The following CEP89 variants were observed in gnomAD, a reference collection of about 807,000 sequenced individuals.
The protein encoded by CEP89 is centrosomal protein of 89 kDa.
CEP89 carries 95 observed loss-of-function variants against 97.6 expected under a neutral mutation model. The observed-to-expected ratio is 0.97, with a 90% CI of 0.82 to 1.15. The LOEUF is 1.15. Ranked by LOEUF, CEP89 falls within the 50% of genes most tolerant of loss-of-function variation. CEP89 has a pLI of 0.00. For missense variants in CEP89, 869 were observed against 947.7 expected (o/e 0.92, Z 1.09); for synonymous variants, 354 against 349.1 (o/e 1.01, Z -0.16).
chr19:32,952,319 G>GAAA (rs11428227), intron 4 of CEP89, among the ~76,000 whole-genome samples: 5 of 131,458 alleles, frequency 3.8e-5, no homozygotes, highest in Non-Finnish European at 4.8e-5. Context: ...TGGCCCTATA[G>GAAA]AAAAAAAAAA....
intron 16 of CEP89, among the ~76,000 whole-genome samples, chr19:32,889,875 G>A (rs907688257): frequency 3.3e-5 from 5 of 152,138 alleles, no homozygotes; most frequent in Non-Finnish European, 7.3e-5. Context: ...GGTGAGGAAG[G>A]CCAGCACACA....
intron 9 of CEP89, 129 bp from the exon 10 acceptor site, chr19:32,927,113 C>CCCCCCCCT (rs1970374076): frequency 1.4e-6 from 1 of 733,808 alleles, no homozygotes; most frequent in African/African-American, 1.8e-5. Flanking sequence ...TCTGCCTACC[C>CCCCCCCCT]ACCCACCTAC....
At chr19:32,897,537 C>A (rs1009001704) in intron 16 of CEP89, among the ~76,000 whole-genome samples, 2 of 152,154 alleles carry the variant, frequency 1.3e-5, no homozygotes, top group African/African-American at 4.8e-5. Flanking sequence ...GGCTTAACTT[C>A]CCCCTTTGCA....
At position 32,931,565 on chromosome 19, in the gene CEP89, G is replaced by C; in HGVS notation, c.893C>G (p.Ala298Gly). The stretch of plus-strand genomic sequence containing the variant: ...TTTTCGCAGATAAAGTAATTCAGGT[G>C]CAGCAACTAGGGAAAAAAATTTAAT... The part of the protein sequence containing the change: ...AEKASSQEVA[A>G]PELLYLRKQA... Residue 298 changes from alanine to glycine, a missense_variant, in exon 9 of 19, where the codon GCA becomes GGA. Physicochemically the swap from Ala to Gly is moderately conservative, Grantham distance 60. Coordinates refer to ENST00000305768, the MANE Select transcript of CEP89 (RefSeq NM_032816.5). 6.3e-7 allele frequency: 1 copy of C among 1,577,556 alleles called. No homozygotes were observed. The highest frequency in any genetic ancestry group is 8.5e-7 in the Non-Finnish European group (1 of 1,171,000).
At chr19:32,952,413 G>C (rs150995561) in intron 4 of CEP89, among the ~76,000 whole-genome samples, 3,676 of 150,478 alleles carry the variant, frequency 0.024, 89 homozygotes, top group Non-Finnish European at 0.036. Context: ...CCCAGGAGGA[G>C]GTGGCTATAA....
intron 16 of CEP89, among the ~76,000 whole-genome samples, chr19:32,893,298 T>G (rs1969573320): frequency 6.6e-6 from 1 of 152,078 alleles, no homozygotes; most frequent in African/African-American, 2.4e-5. Flanking sequence ...GAAGGTAATA[T>G]TATAATAATA....
chr19:32,915,633 C>G, intron 13 of CEP89, 116 bp from the exon 14 acceptor site: 5 of 986,764 alleles, frequency 5.1e-6, no homozygotes, highest in Non-Finnish European at 6.0e-6. Context: ...TTTTAAAGAT[C>G]TTTTGAGCCA....
chr19:32,918,342 G>A lies in CEP89; in HGVS notation c.1269-3C>T. The A allele has an allele frequency of 6.2e-7, 1 of 1,602,272 alleles. No homozygotes were observed. The highest frequency in any genetic ancestry group is 1.1e-5 in the South Asian group (1 of 90,846). The stretch of plus-strand genomic sequence containing the variant: ...TTGCTTGAGTCTGAAGCTGACGCCT[G>A]CAATTGATTTACAAGATGAAATACT... On this transcript the variant is annotated splice_region_variant and splice_polypyrimidine_tract_variant and intron_variant, in intron 12 of 18. Coordinates refer to ENST00000305768, the MANE Select transcript of CEP89 (RefSeq NM_032816.5).
At chr19:32,926,891 T>C in intron 10 of CEP89, 43 bp downstream of exon 10, 1 of 1,574,612 alleles carries the variant, frequency 6.4e-7, no homozygotes, top group Non-Finnish European at 8.7e-7. Flanking sequence ...TATGCAAATA[T>C]ACCCTGAAAA....
rs80115726 is a variant in CEP89 at position 32,902,801 on chromosome 19, C to T, written c.1566-1389G>A. The stretch of plus-strand genomic sequence containing the variant: ...GGTCTTTGGCTGGGTACTGATCTGT[C>T]CGTGTGTGAGAGGAAACTGCGTAAA... On this transcript the variant is annotated intron_variant, in intron 14 of 18. Transcript: ENST00000305768. Among the ~76,000 whole-genome samples the T allele has an allele frequency of 1.2e-3, 185 of 152,232 alleles. 2 individuals carry two copies. The highest frequency in any genetic ancestry group is 7.5e-3 in the East Asian group (39 of 5,180).
intron 16 of CEP89, among the ~76,000 whole-genome samples, chr19:32,894,074 T>C (rs1283932550): frequency 6.6e-6 from 1 of 152,152 alleles, no homozygotes; most frequent in Non-Finnish European, 1.5e-5. Flanking sequence ...GAAACGTTCT[T>C]ATAGTCCCAG....
chr19:32,920,787 C>G (rs1970231413), intron 12 of CEP89, among the ~76,000 whole-genome samples: 1 of 152,120 alleles, frequency 6.6e-6, no homozygotes, highest in Non-Finnish European at 1.5e-5. Flanking sequence ...CCCAGCCTCC[C>G]TCTTATTTTA....
chr19:32,906,644 TC>T (rs1969893158), intron 14 of CEP89, among the ~76,000 whole-genome samples: 1 of 151,506 alleles, frequency 6.6e-6, no homozygotes, highest in Non-Finnish European at 1.5e-5. Flanking sequence ...CTCAGGGGCC[TC>T]CCTTGAACAC....
intron 14 of CEP89, 110 bp from the exon 15 acceptor site, chr19:32,901,522 TG>T: frequency 8.9e-7 from 1 of 1,126,152 alleles, no homozygotes. Flanking sequence ...AGCCCCTGGG[TG>T]GGTCACTTGG....
chr19:32,886,837 T>C (rs1331744593), intron 17 of CEP89, among the ~76,000 whole-genome samples: 2 of 150,852 alleles, frequency 1.3e-5, no homozygotes, highest in Non-Finnish European at 2.9e-5. Context: ...CAGCATGGCA[T>C]AGCCCCTTCC....
chr19:32,935,485 C>A (rs1214188780), intron 7 of CEP89, among the ~76,000 whole-genome samples: 1 of 152,168 alleles, frequency 6.6e-6, no homozygotes, highest in Non-Finnish European at 1.5e-5. Context: ...GTTTGATTAA[C>A]ACCATAAACT....
At chr19:32,918,682 C>T (rs182762701) in intron 12 of CEP89, among the ~76,000 whole-genome samples, 3 of 152,238 alleles carry the variant, frequency 2.0e-5, no homozygotes, top group African/African-American at 7.2e-5. Context: ...GTATAAACCT[C>T]TAGTCCTGCT....
intron 14 of CEP89, among the ~76,000 whole-genome samples, chr19:32,908,072 T>C (rs1255827190): frequency 3.3e-5 from 5 of 152,226 alleles, no homozygotes; most frequent in Non-Finnish European, 1.5e-5. Flanking sequence ...GGCTATGCCA[T>C]GTGGCTTTGT....
At chr19:32,951,969 C>A (rs1050279637) in intron 4 of CEP89, among the ~76,000 whole-genome samples, 79 of 152,052 alleles carry the variant, frequency 5.2e-4, no homozygotes, top group African/African-American at 1.9e-3. Flanking sequence ...GGCAAGTGTG[C>A]GGGTGAGGAG....
Sources: allele counts gnomAD v4.1 joint callset (sites outside exome capture counted in the v4.1 genomes callset), GRCh38; gene constraint gnomAD v4.1.1; transcripts MANE v1.5; gene names NCBI Gene and HGNC (gene_info 2026-07-23, HGNC 2026-07-21).